TBC1D5: variants seen among roughly 807,000 people sequenced by gnomAD.
TBC1D5 encodes TBC1 domain family, member 5.
In TBC1D5, 75 loss-of-function variants were observed where a neutral mutation model predicts 100.3. The observed-to-expected ratio is 0.75, with a 90% CI of 0.62 to 0.91. The LOEUF (loss-of-function observed/expected upper bound fraction) is 0.91. TBC1D5 is among the 40% of genes least tolerant of loss of function. The probability of loss-of-function intolerance (pLI) is 0.00; values close to 1 mark genes in which losing one functional copy is unlikely to be tolerated. For synonymous variants in TBC1D5, 323 were observed against 325.6 expected, an observed-to-expected ratio of 0.99 and a Z score of 0.09; for missense variants, 910 against 942.4, an observed-to-expected ratio of 0.97 and a Z score of 0.45.
In TBC1D5 at chr3:17,525,110, T is replaced by C. The variant is rs925788552; in HGVS notation, c.-35-16505A>G. ...AATTCTCCAACTGTATACATAAATGTACACTTTAAAAAACAGGACATGAGG... is the reference window on the plus strand; with the variant it reads ...AATTCTCCAACTGTATACATAAATGCACACTTTAAAAAACAGGACATGAGG... On this transcript the variant is annotated intron_variant, in intron 2 of 21. Coordinates refer to ENST00000253692, the Ensembl canonical transcript of TBC1D5. Among the ~76,000 whole-genome samples the C allele has an allele frequency of 2.6e-5, 4 of 152,264 alleles. No homozygotes were observed. The South Asian group carries it at 8.3e-4, about 32-fold the overall frequency.
intron 2 of TBC1D5, among the ~76,000 whole-genome samples, chr3:17,523,360 A>G (rs775568362): frequency 7.2e-5 from 11 of 152,336 alleles, no homozygotes; most frequent in Non-Finnish European, 1.2e-4. Context: ...GAACACAAAG[A>G]AAATGCAGAC....
At chr3:17,474,533 T>C (rs1242431856) in intron 3 of TBC1D5, among the ~76,000 whole-genome samples, 1 of 152,058 alleles carries the variant, frequency 6.6e-6, no homozygotes, top group Non-Finnish European at 1.5e-5. Flanking sequence ...ATAAAGCTGA[T>C]ATTCAAAAGT....
chr3:17,650,535 A>G (rs2065444168), intron 1 of TBC1D5, among the ~76,000 whole-genome samples: 1 of 152,190 alleles, frequency 6.6e-6, no homozygotes, highest in Non-Finnish European at 1.5e-5. Context: ...TCTTCTACTC[A>G]TAAGAAAAAA....
intron 13 of TBC1D5, among the ~76,000 whole-genome samples, chr3:17,313,596 AT>A (rs1249541024): frequency 6.6e-6 from 1 of 152,206 alleles, no homozygotes; most frequent in Non-Finnish European, 1.5e-5. Flanking sequence ...CATCATAGAC[AT>A]TTCAAATACC....
intron 9 of TBC1D5, among the ~76,000 whole-genome samples, chr3:17,378,870 T>C (rs1433671207): frequency 1.3e-5 from 2 of 151,736 alleles, no homozygotes; most frequent in Admixed American, 6.6e-5. Flanking sequence ...AATTTACTGA[T>C]TAATCATTCC....
At chr3:17,257,760 A>G (rs1171514219) in intron 16 of TBC1D5, among the ~76,000 whole-genome samples, 1 of 152,210 alleles carries the variant, frequency 6.6e-6, no homozygotes, top group Non-Finnish European at 1.5e-5. Context: ...ATAAATGTAT[A>G]TTTAGGCTCT....
At chr3:17,638,119 C>G (rs2064131880) in intron 1 of TBC1D5, among the ~76,000 whole-genome samples, 1 of 151,778 alleles carries the variant, frequency 6.6e-6, no homozygotes, top group South Asian at 2.1e-4. Flanking sequence ...TTGACATGTT[C>G]TACAAAGGCT....
intron 1 of TBC1D5, among the ~76,000 whole-genome samples, chr3:17,670,897 C>T (rs532527349): frequency 6.6e-6 from 1 of 152,302 alleles, no homozygotes; most frequent in East Asian, 1.9e-4. Flanking sequence ...ATCGACTAAA[C>T]AAGCTGCACC....
At chr3:17,327,934 T>C (rs1418018747) in intron 13 of TBC1D5, among the ~76,000 whole-genome samples, 2 of 152,128 alleles carry the variant, frequency 1.3e-5, no homozygotes, top group Non-Finnish European at 1.5e-5. Flanking sequence ...TAAAATCTAG[T>C]AGAAATTATG....
At chr3:17,629,822 G>A (rs749628679) in intron 1 of TBC1D5, among the ~76,000 whole-genome samples, 29 of 152,130 alleles carry the variant, frequency 1.9e-4, no homozygotes, top group Non-Finnish European at 2.5e-4. Context: ...CACAGGAAAC[G>A]GATTTTCTGA....
chr3:17,714,149 C>T (rs2075020925), intron 1 of TBC1D5, among the ~76,000 whole-genome samples: 1 of 152,072 alleles, frequency 6.6e-6, no homozygotes, highest in South Asian at 2.1e-4. Flanking sequence ...TCTGTTCTAA[C>T]CTGTCTGGGA....
intron 13 of TBC1D5, among the ~76,000 whole-genome samples, chr3:17,323,507 G>T (rs944458015): frequency 6.6e-6 from 1 of 152,146 alleles, no homozygotes; most frequent in Non-Finnish European, 1.5e-5. Context: ...ACTAGTGAGT[G>T]AGTTTAGAAA....
Position 17,428,449 on chromosome 3 carries a change from C to T in TBC1D5, c.167+1G>A, listed in dbSNP as rs918980639. On this transcript the variant is annotated splice_donor_variant, in intron 4 of 21. Transcript: ENST00000253692. LOFTEE classifies it high-confidence loss of function. Reference sequence around the variant, plus strand: ...TATATATATATGTATTCATCACCTACCTATAGGAATTAAAAGTCCCTTCAG... The same window carrying T: ...TATATATATATGTATTCATCACCTATCTATAGGAATTAAAAGTCCCTTCAG... 8 of 1,283,594 alleles carry T rather than the reference C, an allele frequency of 6.2e-6. No individual in the cohort carries two copies. Among genetic ancestry groups the T allele is most frequent in the Non-Finnish European group, 8.3e-6 (8 of 959,448 alleles). The allele number at this position is 1,283,594 out of a possible 1,614,324, so 79.5% of individuals were successfully genotyped here.
chr3:17,705,187 AGGCGGGG>A (rs2073915224), intron 1 of TBC1D5, among the ~76,000 whole-genome samples: 1 of 43,720 alleles, frequency 2.3e-5, no homozygotes, highest in African/African-American at 8.3e-5. Context: ...ACGGCTGGCC[AGGCGGGG>A]GGCTGACCCC....
chr3:17,341,422 T>A (rs1057274274), intron 13 of TBC1D5, among the ~76,000 whole-genome samples: 4 of 152,258 alleles, frequency 2.6e-5, no homozygotes, highest in Admixed American at 2.0e-4. Flanking sequence ...GGTCTCGATC[T>A]CCTGACCTCA....
At chr3:17,277,724 A>C (rs1050772968) in intron 15 of TBC1D5, among the ~76,000 whole-genome samples, 1 of 152,210 alleles carries the variant, frequency 6.6e-6, no homozygotes, top group Admixed American at 6.5e-5. Flanking sequence ...GGGAGTAATA[A>C]GAACATTTTG....
chr3:17,576,370 C>A (rs776691376), intron 2 of TBC1D5: 14 of 151,808 alleles, frequency 9.2e-5, no homozygotes, highest in Non-Finnish European at 1.9e-4. Context: ...GAAAGAAGGT[C>A]TTAATTCAGT....
intron 15 of TBC1D5, among the ~76,000 whole-genome samples, chr3:17,275,211 A>G (rs1436644911): frequency 1.3e-5 from 2 of 152,090 alleles, no homozygotes; most frequent in Non-Finnish European, 2.9e-5. Flanking sequence ...AATTAACACT[A>G]TTTGCCTCTG....
rs1449885 is a variant in TBC1D5 at position 17,220,264 on chromosome 3, A to C, written c.1589-5894T>G. ...GCCTTAAGATTTTAACAATTTATAA[A>C]TCTGTTGCAATTTCTGAAGGCCTAC... On this transcript the variant is annotated intron_variant, in intron 17 of 21. Transcript: ENST00000253692. Among the ~76,000 whole-genome samples, 8 of 151,970 alleles carry C rather than the reference A, an allele frequency of 5.3e-5. No homozygotes were observed. In the East Asian group the frequency reaches 1.5e-3, roughly 29 times the overall value.
Sources: allele counts gnomAD v4.1 joint callset (sites outside exome capture counted in the v4.1 genomes callset), GRCh38; gene constraint gnomAD v4.1.1; transcripts MANE v1.5; gene names NCBI Gene and HGNC (gene_info 2026-07-23, HGNC 2026-07-21).